CTXND1: variants seen among roughly 807,000 people sequenced by gnomAD.
The protein encoded by CTXND1 is cortexin domain-containing 1 protein.
chr15:80,238,150 A>G (rs1567134499), intron 1 of CTXND1, among the ~76,000 whole-genome samples: 1 of 152,196 alleles, frequency 6.6e-6, no homozygotes, highest in Non-Finnish European at 1.5e-5. Context: ...TATAAAGCCT[A>G]TACTAGTACA....
rs2041421458 is a variant in CTXND1, at chr15:80,196,558, TATG to T, written c.*5209_*5211del. The T allele has an allele frequency of 1.3e-5, 2 of 152,188 alleles. No homozygotes were observed. Among genetic ancestry groups the T allele is most frequent in the Non-Finnish European group, 2.9e-5 (2 of 68,040 alleles). The allele number at this position is 152,188 out of a possible 1,614,324, so 9.4% of individuals were successfully genotyped here. The stretch of plus-strand genomic sequence containing the variant: ...TCCACTTACCCGGGACTGGCTACAT[TATG>T]ATTTAAGTTGCAGGAGGGAGTGGGA... On this transcript the variant is annotated 3_prime_UTR_variant, in exon 3 of 3. Coordinates refer to ENST00000560778, the MANE Select transcript of CTXND1 (RefSeq NM_001352888.2).
At chr15:80,237,196 G>T (rs752011762) in intron 1 of CTXND1, among the ~76,000 whole-genome samples, 1 of 151,926 alleles carries the variant, frequency 6.6e-6, no homozygotes, top group Non-Finnish European at 1.5e-5. Context: ...TTAGCTGGGC[G>T]TGGTGGCAGG....
intron 1 of CTXND1, among the ~76,000 whole-genome samples, chr15:80,224,836 T>C (rs888510752): frequency 2.0e-5 from 3 of 152,176 alleles, no homozygotes; most frequent in African/African-American, 7.2e-5. Flanking sequence ...CTCTGCCTCC[T>C]GGATTCAAGC....
intron 1 of CTXND1, among the ~76,000 whole-genome samples, chr15:80,215,954 T>C (rs550068629): frequency 1.3e-5 from 2 of 152,308 alleles, no homozygotes; most frequent in East Asian, 3.9e-4. Context: ...GGGGGCCTCA[T>C]ACAAATGTGC....
chr15:80,200,231 C>T lies in CTXND1; in HGVS notation c.*1539G>A, dbSNP rs551428383. 2.6e-5 allele frequency: 4 copies of T among 152,358 alleles called. No homozygotes were observed. The South Asian group carries it at 8.3e-4, about 32-fold the overall frequency. The allele number at this position is 152,358 out of a possible 1,614,324, so 9.4% of individuals were successfully genotyped here. On this transcript the variant is annotated 3_prime_UTR_variant, in exon 3 of 3. Coordinates refer to ENST00000560778, the MANE Select transcript of CTXND1 (RefSeq NM_001352888.2). ...TCCTCCCAGCTCAGACCCCTGGCTTCTCCTGGGGTGGTGAATTCAAGAACA... is the reference window on the plus strand; with the variant it reads ...TCCTCCCAGCTCAGACCCCTGGCTTTTCCTGGGGTGGTGAATTCAAGAACA...
chr15:80,209,019 T>G (rs571139450), intron 1 of CTXND1, among the ~76,000 whole-genome samples: 1 of 152,198 alleles, frequency 6.6e-6, no homozygotes, highest in Non-Finnish European at 1.5e-5. Flanking sequence ...AGGCTCTGCC[T>G]TAAGATAATA....
intron 1 of CTXND1, among the ~76,000 whole-genome samples, chr15:80,204,672 T>TATAC (rs898718335): frequency 4.0e-5 from 5 of 124,836 alleles, no homozygotes; most frequent in Non-Finnish European, 8.1e-5. Context: ...TATATATATA[T>TATAC]ACCACATTTT....
At chr15:80,204,872 T>C (rs1893132464) in intron 1 of CTXND1, among the ~76,000 whole-genome samples, 1 of 152,098 alleles carries the variant, frequency 6.6e-6, no homozygotes, top group African/African-American at 2.4e-5. Context: ...GAGGATTAAA[T>C]TGAACATTTT....
chr15:80,223,070 AT>A (rs1893334527), intron 1 of CTXND1, among the ~76,000 whole-genome samples: 1 of 152,044 alleles, frequency 6.6e-6, no homozygotes, highest in Admixed American at 6.6e-5. Context: ...ATTTATTCAT[AT>A]TTTTATTTAT....
chr15:80,233,661 A>G (rs1893458482), intron 1 of CTXND1, among the ~76,000 whole-genome samples: 1 of 152,184 alleles, frequency 6.6e-6, no homozygotes, highest in African/African-American at 2.4e-5. Context: ...ATTCTGCCCT[A>G]CAAAGAGACT....
At chr15:80,202,109 C>A in intron 2 of CTXND1, 95 bp from the exon 3 acceptor site, 1 of 395,862 alleles carries the variant, frequency 2.5e-6, no homozygotes, top group East Asian at 3.6e-5. Flanking sequence ...TTATCTGCTA[C>A]CCCTGCACCG....
At chr15:80,215,016 A>G (rs1473780818) in intron 1 of CTXND1, among the ~76,000 whole-genome samples, 3 of 152,230 alleles carry the variant, frequency 2.0e-5, no homozygotes, top group Non-Finnish European at 4.4e-5. Flanking sequence ...ACATTGGAAA[A>G]CTTCAAAGAT....
Position 80,195,803 on chromosome 15 carries a change from C to T in CTXND1, c.*5967G>A, listed in dbSNP as rs188285446. The T allele has an allele frequency of 6.6e-6, 1 of 152,332 alleles. No individual in the cohort carries two copies. Among genetic ancestry groups the T allele is most frequent in the East Asian group, 1.9e-4 (1 of 5,182 alleles). 9.4% of individuals were successfully genotyped at this position (152,332 alleles called of 1,614,324 possible). On this transcript the variant is annotated 3_prime_UTR_variant, in exon 3 of 3. Transcript: ENST00000560778. ...CATTCAAACCACAGCATATTCATCT[C>T]AGCATATCCCACAAACATGGCCTTT...
chr15:80,236,184 C>T (rs1002194037), intron 1 of CTXND1, among the ~76,000 whole-genome samples: 1 of 151,872 alleles, frequency 6.6e-6, no homozygotes, highest in Non-Finnish European at 1.5e-5. Flanking sequence ...CTTCCTTTTA[C>T]TTCCTTTCAA....
chr15:80,240,255 A>C (rs1460245535), intron 1 of CTXND1, among the ~76,000 whole-genome samples: 1 of 152,116 alleles, frequency 6.6e-6, no homozygotes, highest in Non-Finnish European at 1.5e-5. Flanking sequence ...ATCAGCCACC[A>C]CACCCCACCT....
At chr15:80,230,002 A>G (rs1197322220) in intron 1 of CTXND1, among the ~76,000 whole-genome samples, 2 of 152,214 alleles carry the variant, frequency 1.3e-5, no homozygotes, top group Admixed American at 1.3e-4. Flanking sequence ...AAGGATGGGC[A>G]GCAGGACTCC....
rs1893185779 is a variant in CTXND1 at position 80,209,773 on chromosome 15, G to A, written c.-217-6033C>T. Among the ~76,000 whole-genome samples, 3 of 152,224 alleles carry A rather than the reference G, an allele frequency of 2.0e-5. No homozygotes were observed. In the South Asian group the frequency reaches 6.2e-4, roughly 31 times the overall value. On this transcript the variant is annotated intron_variant, in intron 1 of 2. Transcript: ENST00000560778. ...AAATACAGGATTTATGTACAAATTT[G>A]TGTACCACACCAGGGCTGGGAGTGA...
intron 1 of CTXND1, among the ~76,000 whole-genome samples, chr15:80,224,641 T>C (rs961924116): frequency 6.6e-6 from 1 of 152,232 alleles, no homozygotes; most frequent in African/African-American, 2.4e-5. Flanking sequence ...ATAGATCAAC[T>C]TGGAGACAAT....
At chr15:80,227,417 A>ATGCAGGCT (rs1183715100) in intron 1 of CTXND1, among the ~76,000 whole-genome samples, 1 of 152,242 alleles carries the variant, frequency 6.6e-6, no homozygotes, top group Non-Finnish European at 1.5e-5. Context: ...TTAGGTAAAC[A>ATGCAGGCT]TGCAGGCTGT....
Sources: allele counts gnomAD v4.1 joint callset (sites outside exome capture counted in the v4.1 genomes callset), GRCh38; gene constraint gnomAD v4.1.1; transcripts MANE v1.5; gene names NCBI Gene and HGNC (gene_info 2026-07-23, HGNC 2026-07-21).